STAG1: variants seen among roughly 807,000 people sequenced by gnomAD.
The protein encoded by STAG1 is cohesin subunit SA-1.
Under a neutral mutation model 170.9 loss-of-function variants are expected in STAG1, and 26 were observed. The observed-to-expected ratio is 0.15, with a 90% confidence interval of 0.11 to 0.21. The LOEUF is 0.21. Ranked by LOEUF, STAG1 falls within the 10% of genes least tolerant of loss-of-function variation. STAG1 has a pLI of 1.00. For synonymous variants in STAG1, 514 were observed against 497.7 expected (o/e 1.03, Z -0.44); for missense variants, 964 against 1,509.5 (o/e 0.64, Z 5.99).
chr3:136,654,117 A>G (rs1941299572), intron 1 of STAG1, among the ~76,000 whole-genome samples: 1 of 152,212 alleles, frequency 6.6e-6, no homozygotes, highest in Non-Finnish European at 1.5e-5. Context: ...TATTTAAAAT[A>G]GTACTGAAGT....
intron 5 of STAG1, among the ~76,000 whole-genome samples, chr3:136,566,994 TC>T (rs1287539102): frequency 1.3e-5 from 2 of 152,188 alleles, no homozygotes; most frequent in Non-Finnish European, 2.9e-5. Context: ...GAATATACAT[TC>T]CTACCCTATA....
At chr3:136,340,103 AC>A (rs1374756204) in intron 32 of STAG1, among the ~76,000 whole-genome samples, 1 of 152,098 alleles carries the variant, frequency 6.6e-6, no homozygotes, top group African/African-American at 2.4e-5. Flanking sequence ...GATCAGTGTC[AC>A]CTCCTCCTCA....
intron 22 of STAG1, among the ~76,000 whole-genome samples, chr3:136,397,811 T>A (rs2087209086): frequency 6.6e-6 from 1 of 152,044 alleles, no homozygotes; most frequent in Non-Finnish European, 1.5e-5. Context: ...CTAGCCCACA[T>A]TTTTCTTTGT....
chr3:136,351,809 C>A (rs1936442600), intron 28 of STAG1, among the ~76,000 whole-genome samples: 1 of 152,030 alleles, frequency 6.6e-6, no homozygotes, highest in South Asian at 2.1e-4. Context: ...AAGTAAATAC[C>A]CTGAATTATG....
intron 22 of STAG1, among the ~76,000 whole-genome samples, chr3:136,383,731 G>A (rs1229569479): frequency 6.6e-5 from 10 of 152,090 alleles, no homozygotes; most frequent in Non-Finnish European, 1.0e-4. Flanking sequence ...CGAGGTGGGC[G>A]GATCACGAGG....
intron 24 of STAG1, 124 bp downstream of exon 24, chr3:136,368,984 C>T (rs1323410241): frequency 4.4e-6 from 4 of 918,018 alleles, no homozygotes; most frequent in Admixed American, 7.8e-5. Flanking sequence ...AGCCACTGCA[C>T]CTGGCCAACT....
intron 13 of STAG1, among the ~76,000 whole-genome samples, chr3:136,457,620 G>A (rs113498805): frequency 0.011 from 1,613 of 152,074 alleles, 16 homozygotes; most frequent in Non-Finnish European, 0.016. Context: ...GCTGGACTTC[G>A]TAGCCCCCAC....
At chr3:136,439,973 T>C (rs547703786) in intron 15 of STAG1, among the ~76,000 whole-genome samples, 1 of 152,168 alleles carries the variant, frequency 6.6e-6, no homozygotes, top group Non-Finnish European at 1.5e-5. Context: ...TAAACCACAA[T>C]GAAACACCTA....
intron 4 of STAG1, among the ~76,000 whole-genome samples, chr3:136,591,265 A>C (rs1160991327): frequency 7.0e-5 from 8 of 114,150 alleles, no homozygotes; most frequent in Non-Finnish European, 1.1e-4. Context: ...GGGAGGAGGG[A>C]GGAGGGGAGG....
intron 16 of STAG1, among the ~76,000 whole-genome samples, chr3:136,428,620 G>A (rs917224989): frequency 8.5e-5 from 13 of 152,144 alleles, no homozygotes; most frequent in African/African-American, 3.1e-4. Context: ...TATGATGGAA[G>A]TCTGGAAGAA....
intron 13 of STAG1, among the ~76,000 whole-genome samples, chr3:136,455,210 G>A (rs1421564413): frequency 1.3e-5 from 2 of 152,136 alleles, no homozygotes; most frequent in East Asian, 3.9e-4. Context: ...AGATTGCCGA[G>A]CATCACTCCC....
At chr3:136,415,640 C>T (rs566225962) in intron 21 of STAG1, among the ~76,000 whole-genome samples, 1 of 152,240 alleles carries the variant, frequency 6.6e-6, no homozygotes, top group African/African-American at 2.4e-5. Flanking sequence ...GAGTTCAAGA[C>T]AGCCTGGCCA....
At chr3:136,346,856 T>C (rs1477064642) in intron 29 of STAG1, among the ~76,000 whole-genome samples, 1 of 152,218 alleles carries the variant, frequency 6.6e-6, no homozygotes, top group Non-Finnish European at 1.5e-5. Context: ...CCTAGCACTT[T>C]GGGACACTGA....
At position 136,576,788 on chromosome 3, in the gene STAG1, A is replaced by G. The variant is rs552160129; in HGVS notation, c.298-7927T>C. Among the ~76,000 whole-genome samples, 7 of 152,302 alleles carry G rather than the reference A, an allele frequency of 4.6e-5. No homozygotes were observed. In the East Asian group the frequency reaches 1.2e-3, roughly 25 times the overall value. ...ACAGAGTCCACATTCTTCAAATTCT[A>G]TTAGGTTAAGTATACTTTTCTCAGT... is the stretch of plus-strand genomic sequence containing the variant. On this transcript the variant is annotated intron_variant, in intron 4 of 33. Coordinates refer to ENST00000383202, the MANE Select transcript of STAG1 (RefSeq NM_005862.3).
At chr3:136,534,540 C>T (rs776165343) in intron 6 of STAG1, among the ~76,000 whole-genome samples, 3 of 151,506 alleles carry the variant, frequency 2.0e-5, no homozygotes, top group Non-Finnish European at 4.4e-5. Flanking sequence ...TGAAAATAAA[C>T]AACTCAACAA....
intron 10 of STAG1, among the ~76,000 whole-genome samples, chr3:136,475,464 A>G (rs1390899323): frequency 6.6e-6 from 1 of 152,082 alleles, no homozygotes; most frequent in Admixed American, 6.6e-5. Flanking sequence ...TACTCTTGAG[A>G]GTACAAACCT....
chr3:136,687,140 TTTTC>T (rs1264318280), intron 1 of STAG1, among the ~76,000 whole-genome samples: 1 of 152,220 alleles, frequency 6.6e-6, no homozygotes, highest in Non-Finnish European at 1.5e-5. Flanking sequence ...CACTGGTATT[TTTTC>T]TTTAATTGAC....
At chr3:136,423,552 A>C (rs946874148) in intron 16 of STAG1, among the ~76,000 whole-genome samples, 1 of 152,248 alleles carries the variant, frequency 6.6e-6, no homozygotes, top group Non-Finnish European at 1.5e-5. Flanking sequence ...AAGAAAAAAG[A>C]GTATAGTTTG....
intron 4 of STAG1, among the ~76,000 whole-genome samples, chr3:136,600,196 T>C (rs1576651374): frequency 6.6e-6 from 1 of 152,200 alleles, no homozygotes; most frequent in East Asian, 1.9e-4. Context: ...AATAAATACA[T>C]GGACAATAAG....
Sources: allele counts gnomAD v4.1 joint callset (sites outside exome capture counted in the v4.1 genomes callset), GRCh38; gene constraint gnomAD v4.1.1; transcripts MANE v1.5; gene names NCBI Gene and HGNC (gene_info 2026-07-23, HGNC 2026-07-21).